PKDCC: variants seen among roughly 807,000 people sequenced by gnomAD.
The protein encoded by PKDCC is protein kinase domain containing, cytoplasmic, also known as extracellular tyrosine-protein kinase PKDCC.
In PKDCC, 35 loss-of-function variants were observed where a neutral mutation model predicts 44.7. The ratio of observed to expected loss-of-function variants is 0.78; its 90% CI spans 0.60 to 1.04. The LOEUF (loss-of-function observed/expected upper bound fraction) is 1.04. PKDCC is among the 50% of genes least tolerant of loss of function. The pLI, the probability that PKDCC is intolerant of heterozygous loss-of-function variation, is 0.00. For synonymous variants in PKDCC, 353 were observed against 303.3 expected (o/e 1.16, Z -1.70); for missense variants, 738 against 672.7 (o/e 1.10, Z -1.07).
rs968373817 is a variant in PKDCC at position 42,055,751 on chromosome 2, C to G, written c.1222+358C>G. On this transcript the variant is annotated intron_variant, in intron 5 of 6. Transcript: ENST00000294964. This position sits in a 1 kb window ranked among gnomAD's most constrained non-coding sequence, Gnocchi z 4.5. ...TCACTATTACCCACCTCACCAAATT[C>G]TTATGGGAATTAAATGTCAGGTGAA... 9.9e-6 allele frequency: 2 copies of G among 202,148 alleles called. No individual in the cohort carries two copies. The highest frequency in any genetic ancestry group is 4.6e-5 in the African/African-American group (2 of 43,194). The allele number at this position is 202,148 out of a possible 1,614,324, so 12.5% of individuals were successfully genotyped here.
In PKDCC at chr2:42,048,482, C is replaced by A; in HGVS notation, c.283C>A (p.Pro95Thr). ...CCTGATGGACCTGGCTCCGGGCGGG[C>A]CCGGCCTGCCGCGCCCCCGGCCCCC... ...RRLMDLAPGG[P>T]GLPRPRPPWA... Residue 95 changes from proline to threonine, a missense_variant, in exon 1 of 7, where the codon CCC becomes ACC. By Grantham distance (38) the Pro-to-Thr change is conservative. Transcript: ENST00000294964. This position sits in a 1 kb window ranked among gnomAD's most constrained non-coding sequence, Gnocchi z 6.2. The A allele has an allele frequency of 1.9e-6, 2 of 1,039,248 alleles. No homozygotes were observed. Among genetic ancestry groups the A allele is most frequent in the East Asian group, 8.4e-5 (1 of 11,846 alleles). 64.4% of individuals were successfully genotyped at this position (1,039,248 alleles called of 1,614,324 possible). A position where few individuals can be genotyped will look rare whatever the true frequency, so the allele number is the denominator to read the frequency against.
rs1044399006 is a variant in PKDCC, at chr2:42,053,973, C to T, written c.763-63C>T. The T allele has an allele frequency of 3.2e-6, 5 of 1,557,372 alleles. No homozygotes were observed. The East Asian group carries it at 6.8e-5, about 21-fold the overall frequency. ...TCAGATTCCAAGAGGAGGGTGCCCTCGAGTCCCACAGACCCCCAACCCAGG... is the reference window on the plus strand; with the variant it reads ...TCAGATTCCAAGAGGAGGGTGCCCTTGAGTCCCACAGACCCCCAACCCAGG... On this transcript the variant is annotated intron_variant, in intron 2 of 6. Transcript: ENST00000294964.
rs573873941 is a variant in PKDCC, at chr2:42,048,645, C to T, written c.446C>T (p.Thr149Ile). ...GCGCAGTACATGGGCTCAGGCTACA[C>T]CAAGGCCGTGTACCGGGTCCGCCTG... ...SGAQYMGSGYTKAVYRVRLPG... is the reference protein window; with the variant it reads ...SGAQYMGSGYIKAVYRVRLPG... The change falls in exon 1 of 7, where the codon ACC becomes ATC. Residue 149 changes from threonine to isoleucine, a missense_variant. Coordinates refer to ENST00000294964, the MANE Select transcript of PKDCC (RefSeq NM_138370.3). This position sits in a 1 kb window ranked among gnomAD's most constrained non-coding sequence, Gnocchi z 6.2. The T allele has an allele frequency of 1.9e-6, 3 of 1,544,254 alleles. No individual in the cohort carries two copies. The Admixed American group carries it at 5.9e-5, about 30-fold the overall frequency.
chr2:42,051,742 C>T lies in PKDCC; in HGVS notation c.640-1497C>T, dbSNP rs1427170292. 2.6e-5 allele frequency among the ~76,000 whole-genome samples: 4 copies of T among 152,108 alleles called. No homozygotes were observed. Among genetic ancestry groups the T allele is most frequent in the African/African-American group, 7.2e-5 (3 of 41,510 alleles). On this transcript the variant is annotated intron_variant, in intron 1 of 6. Transcript: ENST00000294964. This position sits in a 1 kb window ranked among gnomAD's most constrained non-coding sequence, Gnocchi z 4.2. ...AGAGGGTGCCTGGAGCTGCCCTGGC[C>T]CCCCAAGTCACAGCCCAAGAGTGAG...
At chr2:42,056,856 G>T (rs1668065657) in intron 5 of PKDCC, among the ~76,000 whole-genome samples, 1 of 152,206 alleles carries the variant, frequency 6.6e-6, no homozygotes, top group Non-Finnish European at 1.5e-5. Flanking sequence ...GAGAAGCCTG[G>T]CTCCAACTGT....
Position 42,054,706 on chromosome 2 carries a change from G to C in PKDCC, c.1035-235G>C. ...TGGGGCTGGGAGGTGGGCAAGTCCT[G>C]GGAAGGGTTGGGAAGCAGGCCCCTG... On this transcript the variant is annotated intron_variant, in intron 3 of 6. Coordinates refer to ENST00000294964, the MANE Select transcript of PKDCC (RefSeq NM_138370.3). This position sits in a 1 kb window ranked among gnomAD's most constrained non-coding sequence, Gnocchi z 6.1. 1.7e-6 allele frequency: 1 copy of C among 584,870 alleles called. No individual in the cohort carries two copies. The highest frequency in any genetic ancestry group is 2.1e-5 in the South Asian group (1 of 46,910). The allele number at this position is 584,870 out of a possible 1,614,324, so 36.2% of individuals were successfully genotyped here.
At position 42,054,118 on chromosome 2, in the gene PKDCC, G is replaced by T. The variant is rs755188085; in HGVS notation, c.845G>T (p.Arg282Leu). ...GSVTLLDFRP[R>L]QFVLVDGELK... ...GTCACTCTGCTGGACTTCCGCCCTC[G>T]GCAGTTTGTGCTGGTGGATGGGGAG... The change falls in exon 3 of 7, where the codon CGG (arginine) becomes CTG (leucine). Residue 282 changes from arginine to leucine, a missense_variant. Arg to Leu is a moderately radical substitution (Grantham distance 102). Coordinates refer to ENST00000294964, the MANE Select transcript of PKDCC (RefSeq NM_138370.3). This position sits in a 1 kb window ranked among gnomAD's most constrained non-coding sequence, Gnocchi z 6.1. 2.5e-6 allele frequency: 4 copies of T among 1,613,260 alleles called. No individual in the cohort carries two copies. Among genetic ancestry groups the T allele is most frequent in the Non-Finnish European group, 2.5e-6 (3 of 1,179,850 alleles).
At position 42,053,282 on chromosome 2, in the gene PKDCC, C is replaced by A; in HGVS notation, c.683C>A (p.Thr228Asn). The change falls in exon 2 of 7, where the codon ACC becomes AAC. Residue 228 changes from threonine to asparagine, a missense_variant. Thr to Asn is a moderately conservative substitution (Grantham distance 65). Coordinates refer to ENST00000294964, the MANE Select transcript of PKDCC (RefSeq NM_138370.3). ...CYQDSEDIPD[T>N]LTTITELGAP... ...CAGGACAGCGAGGACATCCCAGACA[C>A]CCTGACCACCATCACGGAGCTGGGC... 6.2e-7 allele frequency: 1 copy of A among 1,613,342 alleles called. No individual in the cohort carries two copies. The highest frequency in any genetic ancestry group is 8.5e-7 in the Non-Finnish European group (1 of 1,179,722).
At chr2:42,049,466 T>C (rs4952589) in intron 1 of PKDCC, among the ~76,000 whole-genome samples, 20,804 of 150,858 alleles carry the variant, frequency 0.14, 2,330 homozygotes, top group East Asian at 0.43. Flanking sequence ...AGAAGTGAAC[T>C]AAGGGTTCCC....
rs141154366 is a variant in PKDCC, at chr2:42,055,742, C to T, written c.1222+349C>T. 1.3e-3 allele frequency: 266 copies of T among 211,938 alleles called. 1 individual carries two copies. Among genetic ancestry groups the T allele is most frequent in the African/African-American group, 5.9e-3 (257 of 43,658 alleles). The allele number at this position is 211,938 out of a possible 1,614,324, so 13.1% of individuals were successfully genotyped here. On this transcript the variant is annotated intron_variant, in intron 5 of 6. Transcript: ENST00000294964. This position sits in a 1 kb window ranked among gnomAD's most constrained non-coding sequence, Gnocchi z 4.5. The stretch of plus-strand genomic sequence containing the variant: ...GAATTGGGTTCACTATTACCCACCT[C>T]ACCAAATTCTTATGGGAATTAAATG...
In PKDCC at chr2:42,054,118, G is replaced by A. The variant is rs755188085; in HGVS notation, c.845G>A (p.Arg282Gln). The A allele has an allele frequency of 9.9e-6, 16 of 1,613,142 alleles. No homozygotes were observed. Among genetic ancestry groups the A allele is most frequent in the Admixed American group, 3.3e-5 (2 of 59,990 alleles). ...GTCACTCTGCTGGACTTCCGCCCTC[G>A]GCAGTTTGTGCTGGTGGATGGGGAG... ...GSVTLLDFRP[R>Q]QFVLVDGELK... is the part of the protein sequence containing the mutation. Residue 282 changes from arginine (R) to glutamine (Q), a missense_variant, in exon 3 of 7, where the codon CGG (arginine) becomes CAG (glutamine). Arg to Gln is a conservative substitution (Grantham distance 43). Transcript: ENST00000294964. This position sits in a 1 kb window ranked among gnomAD's most constrained non-coding sequence, Gnocchi z 6.1.
In PKDCC at chr2:42,048,799, G is replaced by A; in HGVS notation, c.600G>A (p.Met200Ile). 6.7e-7 allele frequency: 1 copy of A among 1,483,316 alleles called. No homozygotes were observed. Among genetic ancestry groups the A allele is most frequent in the African/African-American group, 1.4e-5 (1 of 71,714 alleles). The allele number at this position is 1,483,316 out of a possible 1,614,324, so 91.9% of individuals were successfully genotyped here. A position where few individuals can be genotyped will look rare whatever the true frequency, so the allele number is the denominator to read the frequency against. ...RLAAHKLLKE[M>I]VLLERLRHPN... ...CGGCCCACAAGCTGCTTAAGGAGAT[G>A]GTGCTGCTGGAGCGGCTGCGGCACC... is the stretch of plus-strand genomic sequence containing the variant. Residue 200 changes from methionine (M) to isoleucine (I), a missense_variant, in exon 1 of 7, where the codon ATG becomes ATA. Coordinates refer to ENST00000294964, the MANE Select transcript of PKDCC (RefSeq NM_138370.3). This position sits in a 1 kb window ranked among gnomAD's most constrained non-coding sequence, Gnocchi z 6.2.
At position 42,048,301 on chromosome 2, in the gene PKDCC, G is replaced by A. The variant is rs1667901814; in HGVS notation, c.102G>A (p.Arg34=). 2 of 1,251,368 alleles carry A rather than the reference G, an allele frequency of 1.6e-6. No homozygotes were observed. The highest frequency in any genetic ancestry group is 1.6e-5 in the African/African-American group (1 of 62,456). 77.5% of individuals were successfully genotyped at this position (1,251,368 alleles called of 1,614,324 possible). A position where few individuals can be genotyped will look rare whatever the true frequency, so the allele number is the denominator to read the frequency against. ...VLFAPGSEPP[R]PGQSPEPSPA... is the part of the protein sequence containing the mutation. ...TCGCTCCGGGCTCGGAGCCTCCGAG[G>A]CCAGGCCAGTCCCCTGAGCCTTCGC... Residue 34 remains arginine (R), a synonymous_variant, in exon 1 of 7, where the codon AGG becomes AGA. Coordinates refer to ENST00000294964, the MANE Select transcript of PKDCC (RefSeq NM_138370.3). This position sits in a 1 kb window ranked among gnomAD's most constrained non-coding sequence, Gnocchi z 6.2.
At position 42,055,580 on chromosome 2, in the gene PKDCC, G is replaced by C; in HGVS notation, c.1222+187G>C. On this transcript the variant is annotated intron_variant, in intron 5 of 6. Transcript: ENST00000294964. The surrounding 1 kb of genome is among the most constrained non-coding windows in gnomAD (Gnocchi z 4.5). ...AATTTGAGGTTCCATCTCTAGCTGA[G>C]CTAGAGCAACTATAATTCTGCCTTC... 1 of 588,252 alleles carries C rather than the reference G, an allele frequency of 1.7e-6. No homozygotes were observed. Among genetic ancestry groups the C allele is most frequent in the Non-Finnish European group, 3.0e-6 (1 of 330,506 alleles). The allele number at this position is 588,252 out of a possible 1,614,324, so 36.4% of individuals were successfully genotyped here. A position where few individuals can be genotyped will look rare whatever the true frequency, so the allele number is the denominator to read the frequency against.
intron 5 of PKDCC, among the ~76,000 whole-genome samples, chr2:42,056,360 G>A (rs777307797): frequency 6.6e-6 from 1 of 152,160 alleles, no homozygotes; most frequent in Non-Finnish European, 1.5e-5. Flanking sequence ...TGAGATCTCA[G>A]ATTTTCCCTC....
Position 42,054,511 on chromosome 2 carries a change from G to A in PKDCC, c.1034+204G>A, listed in dbSNP as rs1668021543. The A allele has an allele frequency of 1.5e-6, 1 of 647,832 alleles. No individual in the cohort carries two copies. Among genetic ancestry groups the A allele is most frequent in the Non-Finnish European group, 2.6e-6 (1 of 387,042 alleles). 40.1% of individuals were successfully genotyped at this position (647,832 alleles called of 1,614,324 possible). On this transcript the variant is annotated intron_variant, in intron 3 of 6. Transcript: ENST00000294964. This position sits in a 1 kb window ranked among gnomAD's most constrained non-coding sequence, Gnocchi z 6.1. ...ATAGACAGCTCCAAGGAGAATCCGG[G>A]TTAGGGGGTGGCAGCTGGAGGCTTC...
At position 42,055,547 on chromosome 2, in the gene PKDCC, C is replaced by G. The variant is rs1243030484; in HGVS notation, c.1222+154C>G. On this transcript the variant is annotated intron_variant, in intron 5 of 6. Coordinates refer to ENST00000294964, the MANE Select transcript of PKDCC (RefSeq NM_138370.3). This position sits in a 1 kb window ranked among gnomAD's most constrained non-coding sequence, Gnocchi z 4.5. ...TCACATAGAATCATGGAGGGGCTGA[C>G]ATGGACTAATTTGAGGTTCCATCTC... is the stretch of plus-strand genomic sequence containing the variant. 7 of 634,042 alleles carry G rather than the reference C, an allele frequency of 1.1e-5. No homozygotes were observed. The highest frequency in any genetic ancestry group is 1.7e-5 in the Non-Finnish European group (6 of 362,240). The allele number at this position is 634,042 out of a possible 1,614,324, so 39.3% of individuals were successfully genotyped here.
intron 5 of PKDCC, among the ~76,000 whole-genome samples, chr2:42,056,248 G>C (rs529907162): frequency 2.0e-5 from 3 of 152,084 alleles, no homozygotes; most frequent in Non-Finnish European, 4.4e-5. Context: ...CCAGAGCTGG[G>C]GCTCTCCAGG....
intron 1 of PKDCC, among the ~76,000 whole-genome samples, chr2:42,050,551 G>T (rs1461548657): frequency 6.6e-6 from 1 of 152,098 alleles, no homozygotes; most frequent in Non-Finnish European, 1.5e-5. Context: ...ATCACGTGAC[G>T]GTCCTCCTCT....
Sources: gnomAD v4.1 joint callset for allele counts (sites outside exome capture counted in the v4.1 genomes callset) on GRCh38, gnomAD v4.1.1 for gene constraint, Gnocchi (gnomAD v3.1) non-coding constraint, MANE v1.5 for transcripts, NCBI Gene and HGNC (gene_info 2026-07-23, HGNC 2026-07-21) for gene names.